Variants in SLC20A2 observed in about 807,000 individuals in gnomAD.
SLC20A2 encodes the protein sodium-dependent phosphate transporter 2.
In SLC20A2, 30 loss-of-function variants were observed where a neutral mutation model predicts 61.0. That is an observed-to-expected ratio of 0.49 (90% CI 0.37 to 0.67). SLC20A2 has a LOEUF of 0.67. SLC20A2 is among the 30% of genes least tolerant of loss of function. SLC20A2 has a pLI of 0.00. For synonymous variants in SLC20A2, 351 were observed against 353.3 expected, an observed-to-expected ratio of 0.99 and a Z score of 0.07; for missense variants, 626 against 866.4, an observed-to-expected ratio of 0.72 and a Z score of 3.48.
intron 5 of SLC20A2, among the ~76,000 whole-genome samples, chr8:42,446,854 A>G (rs965602804): frequency 1.3e-5 from 2 of 152,202 alleles, no homozygotes; most frequent in African/African-American, 4.8e-5. Flanking sequence ...TTTACTAAAA[A>G]AAGTAAAAAA....
At chr8:42,519,935 A>C (rs1160645136) in intron 1 of SLC20A2, among the ~76,000 whole-genome samples, 1 of 151,572 alleles carries the variant, frequency 6.6e-6, no homozygotes, top group Non-Finnish European at 1.5e-5. Flanking sequence ...GTGGTGCTCT[A>C]CCAATCAGTT....
chr8:42,417,950 G>A lies in SLC20A2; in HGVS notation c.1812C>T (p.Ala604=), dbSNP rs116401889. The change falls in exon 11 of 11, where the codon GCC becomes GCT. Residue 604 remains alanine, a synonymous_variant. Transcript: ENST00000520262. ...CCTTGCGGGAGCGGATCCAGCCCAC[G>A]GCCACCACCGAGCCCACCTGTGGGA... ...TTHCKVGSVV[A]VGWIRSRKAV... 3.5e-3 allele frequency: 5,640 copies of A among 1,613,452 alleles called. 16 individuals carry two copies. The highest frequency in any genetic ancestry group is 6.9e-3 in the African/African-American group (514 of 74,936).
chr8:42,448,416 A>G (rs766890087), intron 5 of SLC20A2, among the ~76,000 whole-genome samples: 12 of 152,216 alleles, frequency 7.9e-5, no homozygotes, highest in Admixed American at 1.3e-4. Context: ...AAGAAGGGCT[A>G]CTTGATGGGC....
intron 3 of SLC20A2, 186 bp from the exon 4 acceptor site, chr8:42,463,276 G>A: frequency 4.2e-6 from 2 of 474,248 alleles, no homozygotes. Context: ...CACATTTATG[G>A]CCACACTCAG....
chr8:42,451,559 G>A (rs1437620459), intron 5 of SLC20A2, among the ~76,000 whole-genome samples: 6 of 144,722 alleles, frequency 4.1e-5, no homozygotes, highest in Non-Finnish European at 7.6e-5. Context: ...AGATGGAGGA[G>A]GAAGAGGAAG....
At chr8:42,517,018 C>T (rs1811360371) in intron 1 of SLC20A2, among the ~76,000 whole-genome samples, 2 of 152,184 alleles carry the variant, frequency 1.3e-5, no homozygotes, top group African/African-American at 4.8e-5. Context: ...TTTCTCAACT[C>T]CTGCAGATCA....
At position 42,472,808 on chromosome 8, in the gene SLC20A2, G is replaced by A. The variant is rs1043207085; in HGVS notation, c.-264-154C>T. ...AGCAATTCAAGGAAGATTATAATTAGGATAACCACCCCCAACCAAAAACAC... is the reference window on the plus strand; with the variant it reads ...AGCAATTCAAGGAAGATTATAATTAAGATAACCACCCCCAACCAAAAACAC... On this transcript the variant is annotated intron_variant, in intron 1 of 10. Transcript: ENST00000520262. The surrounding 1 kb of genome is among the most constrained non-coding windows in gnomAD (Gnocchi z 4.1). Among the ~76,000 whole-genome samples, 1 of 152,142 alleles carries A rather than the reference G, an allele frequency of 6.6e-6. No individual in the cohort carries two copies. The highest frequency in any genetic ancestry group is 1.5e-5 in the Non-Finnish European group (1 of 68,034).
chr8:42,452,575 C>T (rs908362660), intron 5 of SLC20A2, among the ~76,000 whole-genome samples: 9 of 127,288 alleles, frequency 7.1e-5, no homozygotes, highest in African/African-American at 2.1e-4. Context: ...GATGGAGGAG[C>T]GGGAAGAGGA....
chr8:42,484,755 G>C (rs547324278), intron 1 of SLC20A2: 2 of 349,056 alleles, frequency 5.7e-6, no homozygotes, highest in East Asian at 1.5e-4. Context: ...CCTGACTTGG[G>C]AGGGCAGCCA....
intron 10 of SLC20A2, among the ~76,000 whole-genome samples, chr8:42,424,829 T>A (rs1563438103): frequency 6.6e-6 from 1 of 152,150 alleles, no homozygotes; most frequent in Admixed American, 6.6e-5. Flanking sequence ...GCAGACCACT[T>A]GAGGTCAGGA....
rs555370561 is a variant in SLC20A2 at position 42,483,636 on chromosome 8, G to A, written c.-264-10982C>T. Among the ~76,000 whole-genome samples the A allele has an allele frequency of 3.3e-5, 5 of 152,256 alleles. No individual in the cohort carries two copies. In the South Asian group the frequency reaches 8.3e-4, roughly 25 times the overall value. On this transcript the variant is annotated intron_variant, in intron 1 of 10. Transcript: ENST00000520262. The stretch of plus-strand genomic sequence containing the variant: ...AACATTTTCTCCTTTCTTCCTTTCC[G>A]TATGCACTATAAATGGATTCCCCGC...
At chr8:42,530,499 G>A (rs1207989205) in intron 1 of SLC20A2, among the ~76,000 whole-genome samples, 1 of 152,112 alleles carries the variant, frequency 6.6e-6, no homozygotes, top group Non-Finnish European at 1.5e-5. Context: ...TAGTCATTGC[G>A]AAGACCTACT....
intron 1 of SLC20A2, among the ~76,000 whole-genome samples, chr8:42,475,644 C>T (rs1337679559): frequency 1.3e-5 from 2 of 152,096 alleles, no homozygotes; most frequent in East Asian, 3.9e-4. Flanking sequence ...CTCCTGACCT[C>T]AGGTGATCCA....
intron 10 of SLC20A2, among the ~76,000 whole-genome samples, chr8:42,424,945 C>T (rs1287505301): frequency 6.6e-6 from 1 of 152,084 alleles, no homozygotes; most frequent in Non-Finnish European, 1.5e-5. Context: ...ACTCAGGAGG[C>T]TGAGGCAGGA....
Position 42,459,128 on chromosome 8 carries a change from A to G in SLC20A2, c.613+768T>C, listed in dbSNP as rs548599169. Among the ~76,000 whole-genome samples, 417 of 145,408 alleles carry G rather than the reference A, an allele frequency of 2.9e-3. 3 individuals are homozygous for G. The highest frequency in any genetic ancestry group is 0.01 in the African/African-American group (399 of 39,134). On this transcript the variant is annotated intron_variant, in intron 5 of 10. Coordinates refer to ENST00000520262, the MANE Select transcript of SLC20A2 (RefSeq NM_001257180.2). ...GTGTGCTCCTGTAATCCCAGCTACT[A>G]AGGAGGCTGAGGCAGGAGAATCGCT...
Position 42,499,131 on chromosome 8 carries a change from T to C in SLC20A2, c.-265+1900A>G. Among the ~76,000 whole-genome samples the C allele has an allele frequency of 2.0e-5, 3 of 152,230 alleles. No individual in the cohort carries two copies. In the South Asian group the frequency reaches 6.2e-4, roughly 32 times the overall value. On this transcript the variant is annotated intron_variant, in intron 1 of 10. Coordinates refer to ENST00000520262, the MANE Select transcript of SLC20A2 (RefSeq NM_001257180.2). The stretch of plus-strand genomic sequence containing the variant: ...ACTGCAGGGGAGACGTGCGGTCACC[T>C]GCGGCGTGGGAACAGCAGGGCAAGG...
chr8:42,484,918 C>T, intron 1 of SLC20A2: 2 of 414,258 alleles, frequency 4.8e-6, no homozygotes, highest in African/African-American at 2.1e-5. Context: ...ACAGCAGCAG[C>T]ACAAAAAGGC....
At chr8:42,531,161 T>C (rs1812294811) in intron 1 of SLC20A2, among the ~76,000 whole-genome samples, 1 of 152,248 alleles carries the variant, frequency 6.6e-6, no homozygotes, top group Admixed American at 6.5e-5. Context: ...CCATACCTTA[T>C]TCATCTCTAT....
intron 2 of SLC20A2, among the ~76,000 whole-genome samples, chr8:42,469,683 A>C (rs934532043): frequency 6.6e-6 from 1 of 152,172 alleles, no homozygotes; most frequent in Non-Finnish European, 1.5e-5. Context: ...TAATCCCAGC[A>C]CTTTGGGAGG....
Sources: allele counts gnomAD v4.1 joint callset (sites outside exome capture counted in the v4.1 genomes callset), GRCh38; gene constraint gnomAD v4.1.1; non-coding constraint Gnocchi (gnomAD v3.1); transcripts MANE v1.5; gene names NCBI Gene and HGNC (gene_info 2026-07-23, HGNC 2026-07-21).